The following SEC61A1 variants were observed in gnomAD, a reference collection of about 807,000 sequenced individuals.
SEC61A1 encodes the protein SEC61 translocon subunit alpha 1.
Under a neutral mutation model 55.2 loss-of-function variants are expected in SEC61A1, and 15 were observed. That is an observed-to-expected ratio of 0.27 (90% CI 0.18 to 0.42). SEC61A1 has a LOEUF of 0.42. Ranked by LOEUF, SEC61A1 falls within the 10% of genes least tolerant of loss-of-function variation. SEC61A1 has a pLI of 1.00. For synonymous variants in SEC61A1, 247 were observed against 234.0 expected (o/e 1.06, Z -0.51); for missense variants, 284 against 602.6 (o/e 0.47, Z 5.53).
At position 128,054,157 on chromosome 3, in the gene SEC61A1, A is replaced by G. The variant is rs116839707; in HGVS notation, c.75+1255A>G. 2.0e-3 allele frequency among the ~76,000 whole-genome samples: 300 copies of G among 152,306 alleles called. 1 individual carries two copies. The highest frequency in any genetic ancestry group is 3.2e-3 in the Non-Finnish European group (218 of 68,026). The stretch of plus-strand genomic sequence containing the variant: ...ACTAGAGTTGGTTTAGAGGCTTTTC[A>G]CATCAGAGGATGAACTGTGGTACTG... On this transcript the variant is annotated intron_variant, in intron 2 of 11. Transcript: ENST00000243253.
Position 128,067,721 on chromosome 3 carries a change from T to C in SEC61A1, c.1167+109T>C. On this transcript the variant is annotated intron_variant, in intron 10 of 11. Coordinates refer to ENST00000243253, the MANE Select transcript of SEC61A1 (RefSeq NM_013336.4). This position sits in a 1 kb window ranked among gnomAD's most constrained non-coding sequence, Gnocchi z 4.1. ...ATGGTCTGTGACGTGTGCAGATAGA[T>C]CGTCGTCCTTTAGGGGGCAGTTCAG... is the stretch of plus-strand genomic sequence containing the variant. The C allele has an allele frequency of 1.1e-6, 1 of 930,710 alleles. No homozygotes were observed. The highest frequency in any genetic ancestry group is 1.6e-5 in the South Asian group (1 of 60,806). 57.7% of individuals were successfully genotyped at this position (930,710 alleles called of 1,614,324 possible). A position where few individuals can be genotyped will look rare whatever the true frequency, so the allele number is the denominator to read the frequency against.
Position 128,052,568 on chromosome 3 carries a change from T to C in SEC61A1, c.7+9T>C. ...AGCCGCCGCCATGGCAAGTGAGTCC[T>C]GTAGGGAAGCCCTATTGAGGCCGGG... On this transcript the variant is annotated intron_variant, in intron 1 of 11. Coordinates refer to ENST00000243253, the MANE Select transcript of SEC61A1 (RefSeq NM_013336.4). The C allele has an allele frequency of 6.3e-7, 1 of 1,599,354 alleles. No individual in the cohort carries two copies. Among genetic ancestry groups the C allele is most frequent in the Non-Finnish European group, 8.5e-7 (1 of 1,173,914 alleles).
chr3:128,061,728 G>A (rs978783778), intron 7 of SEC61A1, among the ~76,000 whole-genome samples: 7 of 152,206 alleles, frequency 4.6e-5, no homozygotes, highest in Admixed American at 1.3e-4. Flanking sequence ...GGAGAAGCAG[G>A]TCCAGAAGGC....
intron 4 of SEC61A1, among the ~76,000 whole-genome samples, chr3:128,056,474 G>A (rs1253359059): frequency 6.6e-6 from 1 of 152,186 alleles, no homozygotes; most frequent in Non-Finnish European, 1.5e-5. Flanking sequence ...AGTCTGTTTA[G>A]ACACCATGTG....
chr3:128,055,032 C>T (rs529095981), intron 2 of SEC61A1, among the ~76,000 whole-genome samples: 2 of 152,304 alleles, frequency 1.3e-5, no homozygotes, highest in South Asian at 4.1e-4. Context: ...ATAGAAAATA[C>T]ACTATTGAGC....
At position 128,067,379 on chromosome 3, in the gene SEC61A1, AATGAAG is replaced by A; in HGVS notation, c.976-41_976-36del. The A allele has an allele frequency of 6.3e-7, 1 of 1,575,946 alleles. No homozygotes were observed. Among genetic ancestry groups the A allele is most frequent in the South Asian group, 1.2e-5 (1 of 86,064 alleles). On this transcript the variant is annotated intron_variant, in intron 9 of 11. Transcript: ENST00000243253. The surrounding 1 kb of genome is among the most constrained non-coding windows in gnomAD (Gnocchi z 4.1). Reference sequence around the variant, plus strand: ...TATTTTTGCCTTGATGCTAAAGTAAAATGAAGGAGCACTCACATGCGTTTGGTTTCT... The same window carrying A: ...TATTTTTGCCTTGATGCTAAAGTAAAGAGCACTCACATGCGTTTGGTTTCT...
At chr3:128,056,342 C>A (rs1037774719) in intron 4 of SEC61A1, among the ~76,000 whole-genome samples, 1 of 152,146 alleles carries the variant, frequency 6.6e-6, no homozygotes, top group Non-Finnish European at 1.5e-5. Context: ...ATTGTACAGG[C>A]TCCTTTTCCA....
At chr3:128,063,129 T>C (rs1371418400) in intron 7 of SEC61A1, among the ~76,000 whole-genome samples, 1 of 152,244 alleles carries the variant, frequency 6.6e-6, no homozygotes, top group African/African-American at 2.4e-5. Flanking sequence ...TTTGGTTGAA[T>C]AGAAGCTTTC....
chr3:128,065,096 CT>C, intron 8 of SEC61A1, 59 bp downstream of exon 8: 1 of 1,554,262 alleles, frequency 6.4e-7, no homozygotes, highest in Non-Finnish European at 8.9e-7. Context: ...TTCAGAATGC[CT>C]TGTGTGCAGT....
intron 7 of SEC61A1, among the ~76,000 whole-genome samples, chr3:128,062,128 A>G (rs1941861428): frequency 6.6e-6 from 1 of 152,190 alleles, no homozygotes; most frequent in Admixed American, 6.5e-5. Context: ...GAAAACTAAG[A>G]AGCAAAGGTG....
At chr3:128,066,879 C>G (rs1941997697) in intron 8 of SEC61A1, 75 bp from the exon 9 acceptor site, 2 of 1,468,428 alleles carry the variant, frequency 1.4e-6, no homozygotes, top group East Asian at 2.3e-5. Flanking sequence ...TGGACAGTCC[C>G]CGGCCGGGCT....
chr3:128,054,942 C>T (rs1448269288), intron 2 of SEC61A1, among the ~76,000 whole-genome samples: 1 of 152,188 alleles, frequency 6.6e-6, no homozygotes. Flanking sequence ...AATCCTTAAA[C>T]AAATGTTACT....
intron 11 of SEC61A1, chr3:128,068,529 G>A (rs144785087): frequency 3.1e-5 from 5 of 162,966 alleles, no homozygotes; most frequent in Non-Finnish European, 6.7e-5. Flanking sequence ...GGAAGGGGTT[G>A]ATGTGCATCT....
chr3:128,066,441 G>T (rs897933447), intron 8 of SEC61A1, among the ~76,000 whole-genome samples: 2 of 152,016 alleles, frequency 1.3e-5, no homozygotes, highest in African/African-American at 4.8e-5. Context: ...TGTTTTGTGT[G>T]AGACAGGGTC....
intron 8 of SEC61A1, 85 bp downstream of exon 8, chr3:128,065,122 G>A (rs1459872663): frequency 7.3e-7 from 1 of 1,362,318 alleles, no homozygotes; most frequent in Admixed American, 1.7e-5. Context: ...CACTCTGTGG[G>A]GTGCACTGTC....
intron 8 of SEC61A1, 182 bp downstream of exon 8, chr3:128,065,219 ACCTG>A: frequency 1.4e-6 from 1 of 707,662 alleles, no homozygotes; most frequent in Non-Finnish European, 2.5e-6. Context: ...GAGTCATGGG[ACCTG>A]CCATTAACGA....
chr3:128,055,585 A>G lies in SEC61A1; in HGVS notation c.141+4A>G. On this transcript the variant is annotated splice_donor_region_variant and intron_variant, in intron 3 of 11. Transcript: ENST00000243253. Reference sequence around the variant, plus strand: ...TATCTTCTTAGTGTGCTGCCAGGTAAGCTCAGGCTTGTATTTCGTATTGGG... The same window carrying G: ...TATCTTCTTAGTGTGCTGCCAGGTAGGCTCAGGCTTGTATTTCGTATTGGG... 6.2e-7 allele frequency: 1 copy of G among 1,613,254 alleles called. No homozygotes were observed. The highest frequency in any genetic ancestry group is 8.5e-7 in the Non-Finnish European group (1 of 1,179,180).
intron 11 of SEC61A1, chr3:128,069,038 T>C (rs1006629338): frequency 9.0e-5 from 14 of 155,606 alleles, no homozygotes; most frequent in Non-Finnish European, 1.3e-4. Context: ...TACAGCACTG[T>C]GCAGTAGAAG....
chr3:128,069,646 G>C lies in SEC61A1; in HGVS notation c.1415G>C (p.Gly472Ala). The C allele has an allele frequency of 6.2e-7, 1 of 1,614,100 alleles. No homozygotes were observed. The highest frequency in any genetic ancestry group is 8.5e-7 in the Non-Finnish European group (1 of 1,180,004). ...VKEQSEVGSM[G>A]ALLF ...GAGCAAAGCGAGGTTGGCAGCATGG[G>C]GGCCCTGCTCTTCTGAGCCCGTCTC... The change falls in exon 12 of 12, where the codon GGG (glycine) becomes GCG (alanine). Residue 472 changes from glycine to alanine, a missense_variant. By Grantham distance (60) the Gly-to-Ala change is moderately conservative. Transcript: ENST00000243253.
Sources: allele counts gnomAD v4.1 joint callset (sites outside exome capture counted in the v4.1 genomes callset), GRCh38; gene constraint gnomAD v4.1.1; non-coding constraint Gnocchi (gnomAD v3.1); transcripts MANE v1.5; gene names NCBI Gene and HGNC (gene_info 2026-07-23, HGNC 2026-07-21).